The following TUBGCP2 variants were observed in gnomAD, a reference collection of about 807,000 sequenced individuals.
TUBGCP2 encodes gamma-tubulin complex component 2.
In TUBGCP2, 55 loss-of-function variants were observed where a neutral mutation model predicts 92.2. That is an observed-to-expected ratio of 0.60 (90% CI 0.48 to 0.75). TUBGCP2 has a LOEUF of 0.75. Ranked by LOEUF, TUBGCP2 falls within the 30% of genes least tolerant of loss-of-function variation. The pLI is 0.00. For missense variants in TUBGCP2, 1,093 were observed against 1,188.9 expected (o/e 0.92, Z 1.19); for synonymous variants, 533 against 505.2 (o/e 1.06, Z -0.74).
intron 7 of TUBGCP2, 126 bp downstream of exon 7, chr10:133,292,913 C>T (rs985577101): frequency 7.5e-6 from 9 of 1,201,202 alleles, no homozygotes; most frequent in South Asian, 1.5e-5. Flanking sequence ...GCAACATGAG[C>T]TTTGGCCACA....
At position 133,308,842 on chromosome 10, in the gene TUBGCP2, C is replaced by A. The variant is rs2136148879; in HGVS notation, c.-59G>T. ...ACTCACCGCAGTCCCGGAGCCACAG[C>A]CCCCGCGCAGCCCCCGACGGCGGCG... On this transcript the variant is annotated 5_prime_UTR_variant, in exon 1 of 18. Coordinates refer to ENST00000252936, the MANE Select transcript of TUBGCP2 (RefSeq NM_006659.4). The A allele has an allele frequency of 3.8e-6, 4 of 1,039,106 alleles. No homozygotes were observed. Among genetic ancestry groups the A allele is most frequent in the East Asian group, 3.8e-5 (1 of 26,662 alleles). The allele number at this position is 1,039,106 out of a possible 1,614,324, so 64.4% of individuals were successfully genotyped here. A position where few individuals can be genotyped will look rare whatever the true frequency, so the allele number is the denominator to read the frequency against.
At chr10:133,286,963 A>T (rs1445857741) in intron 11 of TUBGCP2, among the ~76,000 whole-genome samples, 2 of 152,204 alleles carry the variant, frequency 1.3e-5, no homozygotes, top group East Asian at 3.8e-4. Context: ...AGCAGACAGG[A>T]GTAACAAAGA....
At chr10:133,309,316 G>A, upstream of TUBGCP2, 2 of 1,530,412 alleles carry the variant, frequency 1.3e-6, no homozygotes, top group Non-Finnish European at 1.8e-6. Context: ...TGGGGCCACG[G>A]GTGTGGGCGA....
chr10:133,310,131 G>A, upstream of TUBGCP2: 1 of 1,613,042 alleles, frequency 6.2e-7, no homozygotes, highest in Non-Finnish European at 8.5e-7. Context: ...GAGGGCCAGG[G>A]GTCAGAGGGA....
chr10:133,291,836 A>ATGTCCCTCCG lies in TUBGCP2; in HGVS notation c.1214+653_1214+662dup, dbSNP rs1240125242. ...TCCCCCATGTCCCTCCGTGTCCCCC[A>ATGTCCCTCCG]TGTCCCTCCGTGTCCCTGTGTCCCG... On this transcript the variant is annotated intron_variant, in intron 8 of 17. Coordinates refer to ENST00000252936, the MANE Select transcript of TUBGCP2 (RefSeq NM_006659.4). 4.1e-3 allele frequency among the ~76,000 whole-genome samples: 13 copies of ATGTCCCTCCG among 3,182 alleles called. 2 individuals are homozygous for ATGTCCCTCCG. The highest frequency in any genetic ancestry group is 8.2e-3 in the Admixed American group (2 of 244). The allele number at this position is 3,182 out of a possible 152,430, so 2.1% of individuals were successfully genotyped here.
chr10:133,301,867 A>G (rs1847669238), intron 2 of TUBGCP2: 1 of 151,806 alleles, frequency 6.6e-6, no homozygotes, highest in Non-Finnish European at 1.5e-5. Context: ...GGTGCCCGCC[A>G]CCACACCCAG....
Position 133,282,229 on chromosome 10 carries a change from G to A in TUBGCP2, c.2403C>T (p.Ala801=). 6.2e-7 allele frequency: 1 copy of A among 1,611,800 alleles called. No individual in the cohort carries two copies. Residue 801 remains alanine, a synonymous_variant, in exon 16 of 18, where the codon GCC becomes GCT. Coordinates refer to ENST00000252936, the MANE Select transcript of TUBGCP2 (RefSeq NM_006659.4). ...GAEERARKEL[A]RKHLAEHADT... ...AAACCTGGAGGCCACGCACCTTCCT[G>A]GCGAGCTCCTTCCGGGCCCGCTCCT...
Position 133,299,515 on chromosome 10 carries a change from G to T in TUBGCP2, c.368C>A (p.Pro123His), listed in dbSNP as rs536716944. The change falls in exon 4 of 18, where the codon CCT becomes CAT. Residue 123 changes from proline (P) to histidine (H), a missense_variant. Pro to His is a moderately conservative substitution (Grantham distance 77). This residue lies in a region of TUBGCP2 where 490 missense variants were observed against 488.5 expected (regional missense o/e 1.00). Coordinates refer to ENST00000252936, the MANE Select transcript of TUBGCP2 (RefSeq NM_006659.4). Reference sequence around the variant, plus strand: ...CATGGAGATCTTGGAGGCCGCGGCAGGGACGTTGATGCTGGTGGTACTGCT... The same window carrying T: ...CATGGAGATCTTGGAGGCCGCGGCATGGACGTTGATGCTGGTGGTACTGCT... ...VGSSTTSINV[P>H]AAASKISMQE... The T allele has an allele frequency of 1.2e-6, 2 of 1,613,828 alleles. No individual in the cohort carries two copies. The highest frequency in any genetic ancestry group is 4.5e-5 in the East Asian group (2 of 44,882).
rs1564938878 is a variant in TUBGCP2 at position 133,291,287 on chromosome 10, C to CCCG, written c.1214+1211_1214+1212insCGG. Among the ~76,000 whole-genome samples, 39 of 78,896 alleles carry CCCG rather than the reference C, an allele frequency of 4.9e-4. 1 individual carries two copies. The highest frequency in any genetic ancestry group is 3.6e-3 in the African/African-American group (30 of 8,420). The allele number at this position is 78,896 out of a possible 152,430, so 51.8% of individuals were successfully genotyped here. A position where few individuals can be genotyped will look rare whatever the true frequency, so the allele number is the denominator to read the frequency against. On this transcript the variant is annotated intron_variant, in intron 8 of 17. Coordinates refer to ENST00000252936, the MANE Select transcript of TUBGCP2 (RefSeq NM_006659.4). The stretch of plus-strand genomic sequence containing the variant: ...GTGTCCCCCATGTCCCTCCGTGTCC[C>CCCG]TGTGTCCCGGGGAGCCCTACCTGTA...
chr10:133,307,873 G>T (rs1365684080), intron 1 of TUBGCP2, among the ~76,000 whole-genome samples: 1 of 152,220 alleles, frequency 6.6e-6, no homozygotes, highest in Non-Finnish European at 1.5e-5. Flanking sequence ...CTTGCTCGTG[G>T]GCTACAAACC....
intron 10 of TUBGCP2, 52 bp downstream of exon 10, chr10:133,288,788 T>A: frequency 6.6e-7 from 1 of 1,519,772 alleles, no homozygotes; most frequent in Non-Finnish European, 8.9e-7. Context: ...TCCCACAGGT[T>A]CCGGTTTCAG....
chr10:133,289,756 T>C (rs1847226886), intron 9 of TUBGCP2, 68 bp downstream of exon 9: 1 of 1,548,584 alleles, frequency 6.5e-7, no homozygotes. Context: ...TGGGAGGGCC[T>C]GGGCTGCAGG....
upstream of TUBGCP2, chr10:133,309,004 C>G (rs1342745621): frequency 8.0e-6 from 10 of 1,251,300 alleles, no homozygotes; most frequent in Non-Finnish European, 1.0e-5. Flanking sequence ...GGCGGAGCCG[C>G]TGCCTGTAGA....
chr10:133,279,550 A>C lies in TUBGCP2; in HGVS notation c.*216T>G. 1 of 673,222 alleles carries C rather than the reference A, an allele frequency of 1.5e-6. No individual in the cohort carries two copies. The highest frequency in any genetic ancestry group is 2.6e-5 in the South Asian group (1 of 38,914). The allele number at this position is 673,222 out of a possible 1,614,324, so 41.7% of individuals were successfully genotyped here. A position where few individuals can be genotyped will look rare whatever the true frequency, so the allele number is the denominator to read the frequency against. On this transcript the variant is annotated 3_prime_UTR_variant, in exon 18 of 18. Coordinates refer to ENST00000252936, the MANE Select transcript of TUBGCP2 (RefSeq NM_006659.4). The stretch of plus-strand genomic sequence containing the variant: ...GTGATAGTGTAATTTCAAAAAGCAA[A>C]CAGATTAGCAAATCCAGGGAGACAT...
rs767502621 is a variant in TUBGCP2 at position 133,281,399 on chromosome 10, G to A, written c.2447C>T (p.Ser816Phe). The change falls in exon 17 of 18, where the codon TCC becomes TTC. Residue 816 changes from serine (S) to phenylalanine (F), a missense_variant. By Grantham distance (155) the Ser-to-Phe change is radical (BLOSUM62 -2). This residue lies in a region of TUBGCP2 where 598 missense variants were observed against 675.5 expected (regional missense o/e 0.89). Transcript: ENST00000252936. ...CTTGTTGATGGTGGCCTCGAAGCCG[G>A]ACACCAGCTGCACAGTGTCTGCGTG... ...AEHADTVQLV[S>F]GFEATINKFD... 1.2e-6 allele frequency: 2 copies of A among 1,613,486 alleles called. No individual in the cohort carries two copies. The highest frequency in any genetic ancestry group is 2.7e-5 in the African/African-American group (2 of 74,938).
At chr10:133,309,207 G>A, upstream of TUBGCP2, 1 of 1,359,800 alleles carries the variant, frequency 7.4e-7, no homozygotes, top group East Asian at 2.7e-5. Context: ...GGGCGGGGCC[G>A]GAGCCTGGGA....
At chr10:133,309,915 G>C, upstream of TUBGCP2, 1 of 1,613,616 alleles carries the variant, frequency 6.2e-7, no homozygotes, top group Non-Finnish European at 8.5e-7. Context: ...ACACCTGCTG[G>C]ACGCCCACAT....
At chr10:133,309,812 C>T, upstream of TUBGCP2, 5 of 1,613,502 alleles carry the variant, frequency 3.1e-6, no homozygotes, top group Non-Finnish European at 4.2e-6. Context: ...CCGGCTGCTG[C>T]CAGGTGTTCG....
intron 4 of TUBGCP2, 92 bp downstream of exon 4, chr10:133,299,335 C>A: frequency 2.2e-5 from 24 of 1,108,354 alleles, no homozygotes; most frequent in Non-Finnish European, 2.8e-5. Context: ...CCAGCAGGGG[C>A]CCGGCACAGC....
Sources: gnomAD v4.1 joint callset for allele counts (sites outside exome capture counted in the v4.1 genomes callset) on GRCh38, gnomAD v4.1.1 for gene constraint, gnomAD v4.1.1 regional missense constraint, MANE v1.5 for transcripts, NCBI Gene and HGNC (gene_info 2026-07-23, HGNC 2026-07-21) for gene names.